Variants in SLC27A2 observed in about 807,000 individuals in gnomAD.
The protein encoded by SLC27A2 is long-chain fatty acid transport protein 2.
In SLC27A2, 54 loss-of-function variants were observed where a neutral mutation model predicts 60.0. The ratio of observed to expected loss-of-function variants is 0.90; its 90% CI spans 0.72 to 1.13. The LOEUF is 1.13. SLC27A2 is among the 50% of genes most tolerant of loss of function. The pLI, the probability that SLC27A2 is intolerant of heterozygous loss-of-function variation, is 0.00. For missense variants in SLC27A2, 739 were observed against 777.6 expected, an observed-to-expected ratio of 0.95 and a Z score of 0.59; for synonymous variants, 297 against 297.6, an observed-to-expected ratio of 1.00 and a Z score of 0.02.
At chr15:50,204,602 A>G (rs986875464) in intron 3 of SLC27A2, among the ~76,000 whole-genome samples, 13 of 151,366 alleles carry the variant, frequency 8.6e-5, no homozygotes, top group Non-Finnish European at 1.8e-4. Context: ...GTGTGGTGGC[A>G]CGCGCCTGTA....
At chr15:50,205,025 C>T (rs1200400027) in intron 3 of SLC27A2, among the ~76,000 whole-genome samples, 1 of 151,388 alleles carries the variant, frequency 6.6e-6, no homozygotes, top group Non-Finnish European at 1.5e-5. Flanking sequence ...TTAAAATGAC[C>T]TTTGTATGAG....
chr15:50,199,499 A>G (rs2045048889), intron 2 of SLC27A2, among the ~76,000 whole-genome samples: 1 of 151,780 alleles, frequency 6.6e-6, no homozygotes, highest in Admixed American at 6.6e-5. Context: ...AAAAGAAAGA[A>G]AAAAAAAGAA....
At chr15:50,219,797 A>C (rs1302325085) in intron 4 of SLC27A2, among the ~76,000 whole-genome samples, 2 of 152,102 alleles carry the variant, frequency 1.3e-5, no homozygotes, top group African/African-American at 4.8e-5. Flanking sequence ...TCCTCTCTGG[A>C]CATCTTGACC....
At chr15:50,190,352 T>G (rs1209321785) in intron 1 of SLC27A2, among the ~76,000 whole-genome samples, 2 of 152,196 alleles carry the variant, frequency 1.3e-5, no homozygotes, top group African/African-American at 2.4e-5. Context: ...CAGAGTACAT[T>G]TCCTTTCACT....
intron 4 of SLC27A2, among the ~76,000 whole-genome samples, chr15:50,206,255 C>T (rs993913328): frequency 2.0e-5 from 3 of 152,094 alleles, no homozygotes; most frequent in African/African-American, 7.2e-5. Context: ...AAAATGTCTC[C>T]AGAAACTGCC....
intron 8 of SLC27A2, among the ~76,000 whole-genome samples, chr15:50,230,748 C>G (rs2045311614): frequency 1.3e-5 from 2 of 152,112 alleles, no homozygotes; most frequent in Non-Finnish European, 2.9e-5. Context: ...ATTGTGCCAC[C>G]CTACGCTCTT....
chr15:50,201,570 T>G (rs971285793), intron 2 of SLC27A2, among the ~76,000 whole-genome samples: 1 of 151,966 alleles, frequency 6.6e-6, no homozygotes, highest in Non-Finnish European at 1.5e-5. Flanking sequence ...TCTTTTTTTT[T>G]TTTGAGATGG....
intron 4 of SLC27A2, among the ~76,000 whole-genome samples, chr15:50,221,569 G>A (rs546849920): frequency 2.6e-5 from 4 of 152,272 alleles, no homozygotes; most frequent in East Asian, 3.9e-4. Flanking sequence ...CCAAAGTCCC[G>A]TACCCTTATA....
chr15:50,196,079 T>TAAAAAAAAAAA (rs1567428414), intron 1 of SLC27A2, among the ~76,000 whole-genome samples: 2 of 6,136 alleles, frequency 3.3e-4, no homozygotes, highest in Non-Finnish European at 2.6e-4. Context: ...AAAAAAAAAA[T>TAAAAAAAAAAA]ATATATATAT....
At chr15:50,228,631 C>T (rs1002819201) in intron 7 of SLC27A2, among the ~76,000 whole-genome samples, 2 of 152,080 alleles carry the variant, frequency 1.3e-5, no homozygotes, top group African/African-American at 2.4e-5. Context: ...AGCAGAAAAT[C>T]GTTGAGATTT....
At chr15:50,190,173 A>G (rs555880690) in intron 1 of SLC27A2, among the ~76,000 whole-genome samples, 1 of 152,346 alleles carries the variant, frequency 6.6e-6, no homozygotes, top group African/African-American at 2.4e-5. Context: ...ACTGCCAATG[A>G]TTGAGATGCA....
intron 4 of SLC27A2, among the ~76,000 whole-genome samples, chr15:50,220,510 T>C (rs2140910321): frequency 6.6e-6 from 1 of 152,286 alleles, no homozygotes; most frequent in Admixed American, 6.5e-5. Context: ...GGGCTGCATG[T>C]GGGATAAGTA....
chr15:50,233,288 A>G (rs989882871), intron 8 of SLC27A2, among the ~76,000 whole-genome samples: 2 of 152,220 alleles, frequency 1.3e-5, no homozygotes, highest in Non-Finnish European at 2.9e-5. Context: ...CAGAAGTGCA[A>G]CAAACCTGAC....
chr15:50,182,778 C>T lies in SLC27A2; in HGVS notation c.351C>T (p.Tyr117=), dbSNP rs1377155632. 3.7e-6 allele frequency: 6 copies of T among 1,613,878 alleles called. No individual in the cohort carries two copies. The highest frequency in any genetic ancestry group is 4.2e-6 in the Non-Finnish European group (5 of 1,179,960). ...VALLMGNEPA[Y]VWLWLGLVKL... is the part of the protein sequence containing the mutation. ...TCCTTATGGGTAACGAGCCGGCCTA[C>T]GTGTGGCTGTGGCTGGGGCTGGTGA... The change falls in exon 1 of 10, where the codon TAC becomes TAT. Residue 117 remains tyrosine (Y), a synonymous_variant. Transcript: ENST00000267842.
chr15:50,183,994 C>CTTTTTTTTTTTTTTTT (rs577766814), intron 1 of SLC27A2, among the ~76,000 whole-genome samples: 2,502 of 91,124 alleles, frequency 0.027, 456 homozygotes, highest in Middle Eastern at 0.041. Context: ...TTTCCTACAT[C>CTTTTTTTTTTTTTTTT]TTTTTTTTTT....
chr15:50,187,001 G>A (rs2044930374), intron 1 of SLC27A2, among the ~76,000 whole-genome samples: 1 of 152,214 alleles, frequency 6.6e-6, no homozygotes, highest in Non-Finnish European at 1.5e-5. Context: ...TGCAGTATAT[G>A]TAAAGGACCA....
chr15:50,215,310 A>C (rs149960338), intron 4 of SLC27A2, among the ~76,000 whole-genome samples: 2 of 152,196 alleles, frequency 1.3e-5, no homozygotes, highest in Admixed American at 1.3e-4. Context: ...GAAAGTAATC[A>C]TAAACTAAAC....
intron 1 of SLC27A2, among the ~76,000 whole-genome samples, chr15:50,196,067 A>ATAAAAAAAAAAAAAAAAT (rs71424049): frequency 2.5e-4 from 6 of 24,120 alleles, no homozygotes; most frequent in Non-Finnish European, 5.2e-4. Context: ...AAAAAAAAAA[A>ATAAAAAAAAAAAAAAAAT]AAAAAAAAAA....
intron 3 of SLC27A2, among the ~76,000 whole-genome samples, chr15:50,203,088 T>C (rs1205598036): frequency 1.3e-5 from 2 of 151,664 alleles, no homozygotes; most frequent in African/African-American, 4.8e-5. Flanking sequence ...CCCAGGAGGC[T>C]GAAGTAGAAG....
Sources: gnomAD v4.1 joint callset for allele counts (sites outside exome capture counted in the v4.1 genomes callset) on GRCh38, gnomAD v4.1.1 for gene constraint, MANE v1.5 for transcripts, NCBI Gene and HGNC (gene_info 2026-07-23, HGNC 2026-07-21) for gene names.